CCDC40: variants seen among roughly 807,000 people sequenced by gnomAD.
The protein encoded by CCDC40 is coiled-coil domain 40 molecular ruler complex subunit, also known as coiled-coil domain-containing protein 40.
CCDC40 carries 104 observed loss-of-function variants against 124.5 expected under a neutral mutation model. The observed-to-expected ratio is 0.84, with a 90% CI of 0.71 to 0.98. The LOEUF (loss-of-function observed/expected upper bound fraction) is 0.98, where lower values mean the gene tolerates loss of function less well. Ranked by LOEUF, CCDC40 falls within the 50% of genes least tolerant of loss-of-function variation. CCDC40 has a pLI of 0.00. For synonymous variants in CCDC40, 580 were observed against 602.9 expected, an observed-to-expected ratio of 0.96 and a Z score of 0.56; for missense variants, 1,463 against 1,503.9, an observed-to-expected ratio of 0.97 and a Z score of 0.45.
chr17:80,041,266 G>A (rs919908096), intron 3 of CCDC40, among the ~76,000 whole-genome samples: 2 of 152,128 alleles, frequency 1.3e-5, no homozygotes, highest in African/African-American at 2.4e-5. Context: ...CCAGCACTTC[G>A]GGAGGCCAAG....
intron 10 of CCDC40, chr17:80,067,599 A>T: frequency 6.5e-7 from 1 of 1,536,222 alleles, no homozygotes. Flanking sequence ...TCTACGGGGA[A>T]GCTTCCTGCC....
Position 80,084,929 on chromosome 17 carries a change from A to G in CCDC40, c.2176A>G (p.Lys726Glu). Residue 726 changes from lysine to glutamate, a missense_variant, in exon 13 of 20, where the codon AAG (lysine) becomes GAG (glutamate). Coordinates refer to ENST00000397545, the MANE Select transcript of CCDC40 (RefSeq NM_017950.4). ...CCGGCGCACGATCCTGATCGAGAGG[A>G]AGCAAGGGCTCATCAACTTCCTCAA... is the stretch of plus-strand genomic sequence containing the variant. ...ISRRTILIER[K>E]QGLINFLNKQ... 1.2e-6 allele frequency: 2 copies of G among 1,614,056 alleles called. No individual in the cohort carries two copies. Among genetic ancestry groups the G allele is most frequent in the Non-Finnish European group, 1.7e-6 (2 of 1,180,032 alleles).
chr17:80,097,060 G>C (rs1301836496), intron 18 of CCDC40, among the ~76,000 whole-genome samples, 185 bp from the exon 19 acceptor site: 1 of 152,246 alleles, frequency 6.6e-6, no homozygotes, highest in African/African-American at 2.4e-5. Context: ...GGAGCAGTGT[G>C]CAGTGTGGGC....
chr17:80,061,734 A>G (rs922332479), intron 9 of CCDC40, among the ~76,000 whole-genome samples: 3 of 152,220 alleles, frequency 2.0e-5, no homozygotes, highest in African/African-American at 4.8e-5. Context: ...GGAGTCCCCT[A>G]CAGAGTTGGC....
In CCDC40 at chr17:80,048,672, G is replaced by C; in HGVS notation, c.766G>C (p.Gly256Arg). The C allele has an allele frequency of 6.2e-7, 1 of 1,614,140 alleles. No individual in the cohort carries two copies. The highest frequency in any genetic ancestry group is 8.5e-7 in the Non-Finnish European group (1 of 1,180,000). Residue 256 changes from glycine (G) to arginine (R), a missense_variant, in exon 5 of 20, where the codon GGG becomes CGG. Coordinates refer to ENST00000397545, the MANE Select transcript of CCDC40 (RefSeq NM_017950.4). The part of the protein sequence containing the change: ...DQIQQPSTEE[G>R]AMAERVESEG... ...GATCCAGCAGCCCAGCACCGAGGAG[G>C]GGGCCATGGCAGAGAGAGTGGAGTC...
rs1567820073 is a variant in CCDC40 at position 80,099,708 on chromosome 17, T to G, written c.3362T>G (p.Phe1121Cys). Residue 1121 changes from phenylalanine to cysteine, a missense_variant, in exon 20 of 20, where the codon TTC (phenylalanine) becomes TGC (cysteine). Transcript: ENST00000397545. ...CGCGTGCGGGACGAGTACCCCCAGT[T>G]CCAGGAGGCCCTGCACAAGGTCAGC... Reference protein sequence around the residue: ...LDRVRDEYPQFQEALHKVSQM... With the variant: ...LDRVRDEYPQCQEALHKVSQM... 1.9e-6 allele frequency: 3 copies of G among 1,613,738 alleles called. No homozygotes were observed. The highest frequency in any genetic ancestry group is 2.5e-6 in the Non-Finnish European group (3 of 1,179,994).
intron 17 of CCDC40, 195 bp downstream of exon 17, chr17:80,090,079 T>C: frequency 6.5e-7 from 1 of 1,536,876 alleles, no homozygotes; most frequent in Non-Finnish European, 8.7e-7. Context: ...AGCCGAGCAC[T>C]GGCAAAGCGC....
At position 80,058,387 on chromosome 17, in the gene CCDC40, T is replaced by G. The variant is rs1056118658; in HGVS notation, c.1160-107T>G. ...TCTTACCCAAAAATGGCAGGAAGGG[T>G]GCCCAGAACGGCTGTTCCCTGCTTC... On this transcript the variant is annotated intron_variant, in intron 7 of 19. Coordinates refer to ENST00000397545, the MANE Select transcript of CCDC40 (RefSeq NM_017950.4). The surrounding 1 kb of genome is among the most constrained non-coding windows in gnomAD (Gnocchi z 4.2). 5.5e-5 allele frequency: 52 copies of G among 952,004 alleles called. No individual in the cohort carries two copies. The highest frequency in any genetic ancestry group is 2.2e-4 in the East Asian group (9 of 40,088). The allele number at this position is 952,004 out of a possible 1,614,324, so 59.0% of individuals were successfully genotyped here.
At chr17:80,052,367 C>T (rs2037623443) in intron 7 of CCDC40, among the ~76,000 whole-genome samples, 1 of 152,156 alleles carries the variant, frequency 6.6e-6, no homozygotes, top group Non-Finnish European at 1.5e-5. Flanking sequence ...GGAGGCTACA[C>T]CAGTCTCTCT....
intron 18 of CCDC40, among the ~76,000 whole-genome samples, chr17:80,096,859 C>G (rs1256039522): frequency 6.6e-6 from 1 of 152,260 alleles, no homozygotes; most frequent in Non-Finnish European, 1.5e-5. Context: ...AGCCTCGCTC[C>G]TCCCTCAGCA....
rs2037800579 is a variant in CCDC40, at chr17:80,058,196, C to T, written c.1160-298C>T. Among the ~76,000 whole-genome samples the T allele has an allele frequency of 6.6e-6, 1 of 152,214 alleles. No homozygotes were observed. The highest frequency in any genetic ancestry group is 1.5e-5 in the Non-Finnish European group (1 of 68,036). On this transcript the variant is annotated intron_variant, in intron 7 of 19. Coordinates refer to ENST00000397545, the MANE Select transcript of CCDC40 (RefSeq NM_017950.4). The surrounding 1 kb of genome is among the most constrained non-coding windows in gnomAD (Gnocchi z 4.2). ...GAAGCCTTACCACCTGGCACTACTT[C>T]AGTGTATCCTTAGACTACCAGGAGG... is the stretch of plus-strand genomic sequence containing the variant.
chr17:80,038,856 A>C lies in CCDC40; in HGVS notation c.93+670A>C, dbSNP rs569514707. Among the ~76,000 whole-genome samples the C allele has an allele frequency of 3.0e-4, 45 of 152,310 alleles. No homozygotes were observed. The South Asian group carries it at 8.5e-3, about 29-fold the overall frequency. Reference sequence around the variant, plus strand: ...GATAAATAAAATTAAATTAAAAATAAATAAATAAAGAGAATTAGGACTTGG... The same window carrying C: ...GATAAATAAAATTAAATTAAAAATACATAAATAAAGAGAATTAGGACTTGG... On this transcript the variant is annotated intron_variant, in intron 2 of 19. Coordinates refer to ENST00000397545, the MANE Select transcript of CCDC40 (RefSeq NM_017950.4).
chr17:80,051,195 T>C, intron 7 of CCDC40: 1 of 255,712 alleles, frequency 3.9e-6, no homozygotes, highest in Non-Finnish European at 6.1e-6. Flanking sequence ...ACTCTTATAA[T>C]GGGGAAATGA....
At chr17:80,067,496 A>G (rs2038075225) in intron 10 of CCDC40, 11 of 1,166,698 alleles carry the variant, frequency 9.4e-6, no homozygotes, top group Non-Finnish European at 1.4e-5. Flanking sequence ...TGCTTTTTCC[A>G]TTTAACAGCG....
intron 10 of CCDC40, among the ~76,000 whole-genome samples, chr17:80,075,913 T>C (rs553172675): frequency 1.2e-4 from 19 of 152,240 alleles, no homozygotes; most frequent in South Asian, 4.2e-4. Flanking sequence ...TCACTCCCGA[T>C]GTGGTGGAAA....
intron 7 of CCDC40, among the ~76,000 whole-genome samples, chr17:80,056,349 G>A (rs1471176082): frequency 6.6e-6 from 1 of 152,142 alleles, no homozygotes; most frequent in African/African-American, 2.4e-5. Context: ...GCCAGGTGCG[G>A]AGGCTCACGC....
chr17:80,090,898 T>A, intron 17 of CCDC40: 1 of 785,888 alleles, frequency 1.3e-6, no homozygotes, highest in Non-Finnish European at 1.6e-6. Flanking sequence ...AAATACCAAA[T>A]TTAATTGACT....
At position 80,087,804 on chromosome 17, in the gene CCDC40, G is replaced by A. The variant is rs750553682; in HGVS notation, c.2619+28G>A. The stretch of plus-strand genomic sequence containing the variant: ...CCGGCCGTGTCCACGCAGTCCCGGG[G>A]CTCAGGACGATGGAGGGCGGGGGTA... On this transcript the variant is annotated intron_variant, in intron 15 of 19. Transcript: ENST00000397545. The surrounding 1 kb of genome is among the most constrained non-coding windows in gnomAD (Gnocchi z 4.5). The A allele has an allele frequency of 1.9e-6, 3 of 1,610,358 alleles. No homozygotes were observed. The highest frequency in any genetic ancestry group is 1.7e-5 in the Admixed American group (1 of 60,014).
chr17:80,047,340 G>T lies in CCDC40; in HGVS notation c.614G>T (p.Arg205Leu). 1 of 1,613,938 alleles carries T rather than the reference G, an allele frequency of 6.2e-7. No homozygotes were observed. The highest frequency in any genetic ancestry group is 2.2e-5 in the East Asian group (1 of 44,874). The change falls in exon 4 of 20, where the codon CGG (arginine) becomes CTG (leucine). Residue 205 changes from arginine (R) to leucine (L), a missense_variant. By Grantham distance (102) the Arg-to-Leu change is moderately radical. Coordinates refer to ENST00000397545, the MANE Select transcript of CCDC40 (RefSeq NM_017950.4). ...VLPMGVQHRF[R>L]LSHGSDIESS... ...CCAATGGGCGTCCAGCACCGCTTCC[G>T]GCTGAGCCACGGGAGCGACATCGAG...
Sources: allele counts gnomAD v4.1 joint callset (sites outside exome capture counted in the v4.1 genomes callset), GRCh38; gene constraint gnomAD v4.1.1; non-coding constraint Gnocchi (gnomAD v3.1); transcripts MANE v1.5; gene names NCBI Gene and HGNC (gene_info 2026-07-23, HGNC 2026-07-21).